ATAD5: variants seen among roughly 807,000 people sequenced by gnomAD.
ATAD5 encodes the protein ATPase family AAA domain containing 5.
ATAD5 carries 58 observed loss-of-function variants against 176.9 expected under a neutral mutation model. The ratio of observed to expected loss-of-function variants is 0.33; its 90% CI spans 0.27 to 0.41. The LOEUF is 0.41. ATAD5 is among the 10% of genes least tolerant of loss of function. The probability of loss-of-function intolerance (pLI) is 1.00; values close to 1 mark genes in which losing one functional copy is unlikely to be tolerated. For missense variants in ATAD5, 1,789 were observed against 2,094.1 expected (o/e 0.85, Z 2.84); for synonymous variants, 640 against 712.6 (o/e 0.90, Z 1.62).
chr17:30,877,215 G>A (rs530692960), intron 15 of ATAD5, among the ~76,000 whole-genome samples: 2 of 151,506 alleles, frequency 1.3e-5, no homozygotes, highest in East Asian at 1.9e-4. Context: ...TTGGGATTTC[G>A]CCATGTTGGT....
intron 4 of ATAD5, among the ~76,000 whole-genome samples, chr17:30,843,219 G>A (rs183663741): frequency 2.4e-4 from 36 of 152,024 alleles, no homozygotes; most frequent in Admixed American, 1.0e-3. Flanking sequence ...AGGTGTGGTG[G>A]TGTGCGCCTG....
intron 2 of ATAD5, 84 bp downstream of exon 2, chr17:30,836,132 ATT>A: frequency 8.5e-7 from 1 of 1,176,098 alleles, no homozygotes. Context: ...ATTGGAGGGT[ATT>A]TTTTTTTCTA....
At chr17:30,842,200 C>T (rs941678321) in intron 4 of ATAD5, among the ~76,000 whole-genome samples, 6 of 151,876 alleles carry the variant, frequency 4.0e-5, no homozygotes, top group Non-Finnish European at 7.4e-5. Flanking sequence ...ACCCGGGAGG[C>T]GGAGGTTGCA....
intron 4 of ATAD5, among the ~76,000 whole-genome samples, chr17:30,842,192 C>G (rs1906160979): frequency 6.6e-6 from 1 of 152,018 alleles, no homozygotes; most frequent in Admixed American, 6.6e-5. Context: ...TCACTTGAAC[C>G]CGGGAGGCGG....
intron 18 of ATAD5, among the ~76,000 whole-genome samples, chr17:30,886,385 T>TTTATTTATTTAA (rs1909324959): frequency 9.0e-6 from 1 of 110,764 alleles, no homozygotes; most frequent in African/African-American, 3.0e-5. Flanking sequence ...TATTTATTTA[T>TTTATTTATTTAA]TTATTTATTT....
Position 30,834,672 on chromosome 17 carries a change from C to T in ATAD5, c.591C>T (p.Thr197=), listed in dbSNP as rs773461644. 2 of 1,609,590 alleles carry T rather than the reference C, an allele frequency of 1.2e-6. No individual in the cohort carries two copies. Among genetic ancestry groups the T allele is most frequent in the South Asian group, 1.1e-5 (1 of 89,722 alleles). Residue 197 remains threonine, a synonymous_variant, in exon 2 of 23, where the codon ACC becomes ACT. Coordinates refer to ENST00000321990, the MANE Select transcript of ATAD5 (RefSeq NM_024857.5). Reference sequence around the variant, plus strand: ...AAAAAGTAAATCCTAAACAAGGGACCACAAAAAATGACTTCAAAAAGTTGA... The same window carrying T: ...AAAAAGTAAATCCTAAACAAGGGACTACAAAAAATGACTTCAAAAAGTTGA... ...NSKKVNPKQG[T]TKNDFKKLRK...
At position 30,858,253 on chromosome 17, in the gene ATAD5, A is replaced by G; in HGVS notation, c.2886A>G (p.Lys962=). ...RWSNPEFSLK[K]YFPLLLKKQI... is the part of the protein sequence containing the mutation. The stretch of plus-strand genomic sequence containing the variant: ...CAAATCCTGAATTTTCATTGAAAAA[A>G]TATTTTCCCTTACTCCTAAAAAAAC... The change falls in exon 9 of 23, where the codon AAA becomes AAG. Residue 962 remains lysine, a synonymous_variant. Coordinates refer to ENST00000321990, the MANE Select transcript of ATAD5 (RefSeq NM_024857.5). 2 of 1,599,460 alleles carry G rather than the reference A, an allele frequency of 1.3e-6. No homozygotes were observed. The highest frequency in any genetic ancestry group is 1.7e-6 in the Non-Finnish European group (2 of 1,173,012).
At chr17:30,887,117 G>A in intron 18 of ATAD5, 75 bp from the exon 19 acceptor site, 1 of 1,301,238 alleles carries the variant, frequency 7.7e-7, no homozygotes, top group South Asian at 1.6e-5. Flanking sequence ...CTCACTTTTA[G>A]ATACTATTTG....
chr17:30,846,397 TTTTTTTTTTTTTC>T (rs1181854594), intron 6 of ATAD5, among the ~76,000 whole-genome samples: 1 of 86,020 alleles, frequency 1.2e-5, no homozygotes, highest in Non-Finnish European at 2.0e-5. Flanking sequence ...GAGTTTGAGG[TTTTTTTTTTTTTC>T]TTTTTTTTTT....
chr17:30,890,747 T>G (rs2142452829), intron 19 of ATAD5, among the ~76,000 whole-genome samples: 1 of 152,110 alleles, frequency 6.6e-6, no homozygotes, highest in South Asian at 2.1e-4. Flanking sequence ...CTTAAAAATC[T>G]TTTTTTATAT....
intron 2 of ATAD5, among the ~76,000 whole-genome samples, chr17:30,836,994 T>C (rs1387638137): frequency 6.6e-6 from 1 of 152,154 alleles, no homozygotes; most frequent in Non-Finnish European, 1.5e-5. Flanking sequence ...TCTATGCATC[T>C]CTATCTATCT....
Position 30,895,059 on chromosome 17 carries a change from A to G in ATAD5, c.*146A>G. On this transcript the variant is annotated 3_prime_UTR_variant, in exon 23 of 23. Transcript: ENST00000321990. The stretch of plus-strand genomic sequence containing the variant: ...TATATTTTTTTATTGGCGGGTAAAT[A>G]TTTAAAATATTTGAGTTACAAATTT... 2 of 518,686 alleles carry G rather than the reference A, an allele frequency of 3.9e-6. No individual in the cohort carries two copies. 32.1% of individuals were successfully genotyped at this position (518,686 alleles called of 1,614,324 possible).
intron 8 of ATAD5, 42 bp from the exon 9 acceptor site, chr17:30,858,119 A>G: frequency 7.1e-7 from 1 of 1,411,536 alleles, no homozygotes; most frequent in Non-Finnish European, 9.4e-7. Context: ...ACATGAATAG[A>G]TGATGTTGGT....
At chr17:30,843,004 C>T (rs1906224846) in intron 4 of ATAD5, among the ~76,000 whole-genome samples, 1 of 151,896 alleles carries the variant, frequency 6.6e-6, no homozygotes. Context: ...TTGGCCTCCC[C>T]AAGTGCTGAG....
intron 16 of ATAD5, 140 bp downstream of exon 16, chr17:30,877,689 T>A (rs1430032073): frequency 1.2e-6 from 1 of 868,656 alleles, no homozygotes; most frequent in South Asian, 1.7e-5. Flanking sequence ...TAAAGCAAAT[T>A]AAACTGTCCA....
At position 30,878,654 on chromosome 17, in the gene ATAD5, C is replaced by CATTT. The variant is rs751781114; in HGVS notation, c.4012+559_4012+562dup. Among the ~76,000 whole-genome samples, 94 of 147,846 alleles carry CATTT rather than the reference C, an allele frequency of 6.4e-4. 1 individual carries two copies. The highest frequency in any genetic ancestry group is 7.9e-4 in the Non-Finnish European group (53 of 67,218). Reference sequence around the variant, plus strand: ...TAGTCTCTACTTACAAATTAATGCCCATTTGGTAGTGATTGTACTCTTAAA... The same window carrying CATTT: ...TAGTCTCTACTTACAAATTAATGCCCATTTATTTGGTAGTGATTGTACTCTTAAA... On this transcript the variant is annotated intron_variant, in intron 17 of 22. Transcript: ENST00000321990.
At chr17:30,847,942 G>T (rs1396907001) in intron 6 of ATAD5, among the ~76,000 whole-genome samples, 1 of 151,604 alleles carries the variant, frequency 6.6e-6, no homozygotes, top group Non-Finnish European at 1.5e-5. Flanking sequence ...GGATGGTCTC[G>T]ATCTCCTGAC....
chr17:30,860,332 C>T, intron 9 of ATAD5, 101 bp from the exon 10 acceptor site: 7 of 1,366,842 alleles, frequency 5.1e-6, no homozygotes, highest in African/African-American at 1.5e-5. Context: ...ATTGCCTTTG[C>T]ATTTTAAAGT....
chr17:30,872,977 A>G (rs780424205), intron 14 of ATAD5, among the ~76,000 whole-genome samples: 6 of 152,168 alleles, frequency 3.9e-5, no homozygotes, highest in Admixed American at 6.5e-5. Context: ...ATTTGTTTTT[A>G]TATCTCAGAG....
Sources: allele counts gnomAD v4.1 joint callset (sites outside exome capture counted in the v4.1 genomes callset), GRCh38; gene constraint gnomAD v4.1.1; transcripts MANE v1.5; gene names NCBI Gene and HGNC (gene_info 2026-07-23, HGNC 2026-07-21).